GNL3L: variants seen among roughly 807,000 people sequenced by gnomAD.
GNL3L encodes the protein G protein nucleolar 3 like.
GNL3L carries 4 observed loss-of-function variants against 42.9 expected under a neutral mutation model. That is an observed-to-expected ratio of 0.09 (90% CI 0.05 to 0.21). The LOEUF is 0.21. Ranked by LOEUF, GNL3L falls within the 10% of genes least tolerant of loss-of-function variation. The pLI is 1.00. For synonymous variants in GNL3L, 159 were observed against 176.3 expected (o/e 0.90, Z 0.78); for missense variants, 412 against 481.7 (o/e 0.86, Z 1.36).
Position 54,558,412 on chromosome X carries a change from G to A in GNL3L, c.1447-24G>A, listed in dbSNP as rs985002234. 2.4e-5 allele frequency: 26 copies of A among 1,079,115 alleles called. 1 individual carries two copies. Among genetic ancestry groups the A allele is most frequent in the Admixed American group, 8.8e-5 (4 of 45,389 alleles). 88.9% of individuals were successfully genotyped at this position (1,079,115 alleles called of 1,213,427 possible). A position where few individuals can be genotyped will look rare whatever the true frequency, so the allele number is the denominator to read the frequency against. On this transcript the variant is annotated intron_variant, in intron 14 of 15. Transcript: ENST00000360845. ...GTTCTCTGGGGGTTAAGACCTCATCGTTATGTTTTCTGTCTCTTCCTAGAT... is the reference window on the plus strand; with the variant it reads ...GTTCTCTGGGGGTTAAGACCTCATCATTATGTTTTCTGTCTCTTCCTAGAT...
intron 8 of GNL3L, among the ~76,000 whole-genome samples, chrX:54,545,287 C>T (rs781385229): frequency 8.1e-5 from 9 of 111,493 alleles, no homozygotes; most frequent in South Asian, 3.7e-4. Flanking sequence ...GGCACCATCT[C>T]GGCTCACTGC....
At chrX:54,638,135 T>C in the GNL3L span, among the ~76,000 whole-genome samples, 1 of 111,872 alleles carries the variant, frequency 8.9e-6, no homozygotes, top group Non-Finnish European at 1.9e-5. Context: ...TATCCATCCT[T>C]TGCAATTTTT....
At chrX:54,534,249 A>G (rs1351281404) in intron 2 of GNL3L, among the ~76,000 whole-genome samples, 1 of 107,849 alleles carries the variant, frequency 9.3e-6, no homozygotes, top group Admixed American at 1.0e-4. Flanking sequence ...CTGGAGGGCT[A>G]CGTTCTCTAC....
intron 16 of GNL3L, among the ~76,000 whole-genome samples, chrX:54,619,550 C>T (rs968113547): frequency 9.1e-6 from 1 of 110,094 alleles, no homozygotes; most frequent in African/African-American, 3.3e-5. Flanking sequence ...AAGACAAGGT[C>T]TCACTGTATT....
At chrX:54,572,780 C>G (rs1156437134) in intron 16 of GNL3L, among the ~76,000 whole-genome samples, 1 of 110,133 alleles carries the variant, frequency 9.1e-6, no homozygotes, top group Admixed American at 9.5e-5. Context: ...AGGCTCCTCA[C>G]TTCTCAGACG....
chrX:54,548,063 G>A (rs1395730145), intron 8 of GNL3L, among the ~76,000 whole-genome samples, 166 bp from the exon 9 acceptor site: 1 of 112,034 alleles, frequency 8.9e-6, no homozygotes, highest in East Asian at 2.8e-4. Flanking sequence ...CAAAGACAGT[G>A]GAGGGGAATG....
At chrX:54,597,900 C>G (rs891874183) in intron 16 of GNL3L, among the ~76,000 whole-genome samples, 1 of 111,306 alleles carries the variant, frequency 9.0e-6, no homozygotes, top group Non-Finnish European at 1.9e-5. Flanking sequence ...GCTTTCTACA[C>G]CCCGCTGCCA....
intron 16 of GNL3L, among the ~76,000 whole-genome samples, chrX:54,606,992 TTTCCTTTCTTTC>T (rs1569542561): frequency 1.5e-5 from 1 of 64,938 alleles, no homozygotes; most frequent in Non-Finnish European, 2.4e-5. Flanking sequence ...TTTCCTTTCC[TTTCCTTTCTTTC>T]TTTCTTTCTT....
chrX:54,601,813 A>G (rs1381376013), intron 16 of GNL3L, among the ~76,000 whole-genome samples: 1 of 111,971 alleles, frequency 8.9e-6, no homozygotes, highest in Non-Finnish European at 1.9e-5. Context: ...TTCTGTTACT[A>G]TATAAATGGA....
At chrX:54,577,183 C>G (rs1354695720) in intron 16 of GNL3L, among the ~76,000 whole-genome samples, 1 of 112,259 alleles carries the variant, frequency 8.9e-6, no homozygotes, top group African/African-American at 3.2e-5. Context: ...TGGCTTATTT[C>G]ACTTAGCATA....
chrX:54,551,169 C>T (rs1924926573), intron 10 of GNL3L, 119 bp downstream of exon 10: 2 of 513,895 alleles, frequency 3.9e-6, no homozygotes, highest in African/African-American at 2.3e-5. Context: ...ATGCTTTCCC[C>T]AGGCATGGGA....
the GNL3L span, among the ~76,000 whole-genome samples, chrX:54,635,241 G>A: frequency 9.0e-6 from 1 of 111,646 alleles, no homozygotes; most frequent in Non-Finnish European, 1.9e-5. Context: ...CAAAATTTCT[G>A]TTTGGTTCCT....
rs751385370 is a variant in GNL3L, at chrX:54,557,974, C to G, written c.1447-462C>G. Among the ~76,000 whole-genome samples, 72 of 110,531 alleles carry G rather than the reference C, an allele frequency of 6.5e-4. 1 individual carries two copies. The Admixed American group carries it at 7.0e-3, about 11-fold the overall frequency. On this transcript the variant is annotated intron_variant, in intron 14 of 15. Coordinates refer to ENST00000360845, the MANE Select transcript of GNL3L (RefSeq NM_001184819.2). ...TCTCGGCTCTCTGCAACTGCCGCCT[C>G]CCAGGTTCAAGCGATTCTCTTGCCT...
intron 10 of GNL3L, 67 bp downstream of exon 10, chrX:54,551,117 C>CCTTCAG (rs1382793521): frequency 1.6e-6 from 1 of 609,860 alleles, no homozygotes; most frequent in African/African-American, 2.2e-5. Context: ...AACTCCCATG[C>CCTTCAG]CTTCAGCCCC....
At chrX:54,610,080 A>G (rs1051889326) in intron 16 of GNL3L, among the ~76,000 whole-genome samples, 2 of 111,931 alleles carry the variant, frequency 1.8e-5, no homozygotes, top group Non-Finnish European at 3.8e-5. Context: ...GGTTAGGTAT[A>G]TTCCTAAGTA....
rs1015422674 is a variant in GNL3L, at chrX:54,581,525, G to A, written c.*45+20878G>A. 1.2e-4 allele frequency among the ~76,000 whole-genome samples: 13 copies of A among 112,669 alleles called. No homozygotes were observed. In the East Asian group the frequency reaches 1.4e-3, roughly 12 times the overall value. Reference sequence around the variant, plus strand: ...GTTGGGATCACAGGCATGAGCCACTGTGCCCCATCAATGTTGCCCTTTTAT... The same window carrying A: ...GTTGGGATCACAGGCATGAGCCACTATGCCCCATCAATGTTGCCCTTTTAT... On this transcript the variant is annotated intron_variant, in intron 16 of 16. Coordinates refer to the GNL3L transcript ENST00000674498.
At chrX:54,559,491 C>G (rs1363357529) in intron 15 of GNL3L, among the ~76,000 whole-genome samples, 8 of 111,845 alleles carry the variant, frequency 7.2e-5, no homozygotes, top group African/African-American at 2.6e-4. Flanking sequence ...TTTTTCCACA[C>G]AAATGCCAAT....
intron 16 of GNL3L, among the ~76,000 whole-genome samples, chrX:54,588,087 A>G (rs902155747): frequency 8.9e-6 from 1 of 112,200 alleles, no homozygotes; most frequent in Non-Finnish European, 1.9e-5. Context: ...TAAACTCACT[A>G]ATGTGTACTA....
At chrX:54,554,763 A>T (rs965212304) in intron 14 of GNL3L, 71 bp downstream of exon 14, 5 of 994,020 alleles carry the variant, frequency 5.0e-6, no homozygotes, top group Non-Finnish European at 7.1e-6. Context: ...AATCCCTTTT[A>T]CCTGCCTTTC....
Sources: gnomAD v4.1 joint callset for allele counts (sites outside exome capture counted in the v4.1 genomes callset) on GRCh38, gnomAD v4.1.1 for gene constraint, MANE v1.5 for transcripts, NCBI Gene and HGNC (gene_info 2026-07-23, HGNC 2026-07-21) for gene names.